The following EPHB1 variants were observed in gnomAD, a reference collection of about 807,000 sequenced individuals.
The protein encoded by EPHB1 is ephrin type-B receptor 1.
A neutral mutation model predicts 94.4 loss-of-function variants in EPHB1; 30 were observed. The ratio of observed to expected loss-of-function variants is 0.32; its 90% CI spans 0.24 to 0.43. The LOEUF (loss-of-function observed/expected upper bound fraction) is 0.43, where lower values mean the gene tolerates loss of function less well. Among genes scored for constraint, EPHB1 ranks in the 20% least tolerant of loss-of-function variants. The probability of loss-of-function intolerance (pLI) is 1.00; values close to 1 mark genes in which losing one functional copy is unlikely to be tolerated. For synonymous variants in EPHB1, 522 were observed against 489.1 expected (o/e 1.07, Z -0.89); for missense variants, 1,055 against 1,308.3 (o/e 0.81, Z 2.99).
chr3:134,849,734 A>G (rs759249968), intron 1 of EPHB1, among the ~76,000 whole-genome samples: 14 of 152,196 alleles, frequency 9.2e-5, no homozygotes, highest in Non-Finnish European at 2.1e-4. Context: ...AGACAGTGGT[A>G]CCAGCCCTCG....
intron 3 of EPHB1, among the ~76,000 whole-genome samples, chr3:135,014,452 C>T (rs781678613): frequency 4.6e-5 from 7 of 152,172 alleles, no homozygotes; most frequent in African/African-American, 2.4e-5. Flanking sequence ...CTAACTGATA[C>T]AAGAGTGGTG....
rs538203454 is a variant in EPHB1, at chr3:134,807,238, C to T, written c.58+11549C>T. Among the ~76,000 whole-genome samples, 6 of 152,270 alleles carry T rather than the reference C, an allele frequency of 3.9e-5. No homozygotes were observed. In the South Asian group the frequency reaches 1.2e-3, roughly 32 times the overall value. ...GCCACCAGTGTCACAAGTACTCACA[C>T]AGAACACATTTATTGAGCATCTACA... On this transcript the variant is annotated intron_variant, in intron 1 of 15. Transcript: ENST00000398015.
chr3:135,030,246 G>C (rs1936384037), intron 3 of EPHB1, among the ~76,000 whole-genome samples: 1 of 152,204 alleles, frequency 6.6e-6, no homozygotes. Flanking sequence ...TCTCCGTCCA[G>C]CTTTGTTCTG....
intron 2 of EPHB1, among the ~76,000 whole-genome samples, chr3:134,943,575 G>T (rs988637414): frequency 6.6e-6 from 1 of 152,144 alleles, no homozygotes; most frequent in Non-Finnish European, 1.5e-5. Flanking sequence ...CCTCCAGGTT[G>T]GAAAATCTAG....
At chr3:135,063,837 A>G (rs1258390625) in intron 3 of EPHB1, among the ~76,000 whole-genome samples, 1 of 152,166 alleles carries the variant, frequency 6.6e-6, no homozygotes, top group Non-Finnish European at 1.5e-5. Context: ...TGTCATACAT[A>G]GATGGCTTTT....
Position 134,951,349 on chromosome 3 carries a change from G to A in EPHB1, c.124-22G>A. On this transcript the variant is annotated intron_variant, in intron 2 of 15. Coordinates refer to ENST00000398015, the MANE Select transcript of EPHB1 (RefSeq NM_004441.5). The surrounding 1 kb of genome is among the most constrained non-coding windows in gnomAD (Gnocchi z 4.5). The stretch of plus-strand genomic sequence containing the variant: ...CTATTTTGTGTTTTTGCATGTGTGT[G>A]CCTGTGGCCTGCTATGTACAGTGGG... 2 of 1,518,778 alleles carry A rather than the reference G, an allele frequency of 1.3e-6. No individual in the cohort carries two copies. The highest frequency in any genetic ancestry group is 1.8e-6 in the Non-Finnish European group (2 of 1,132,792). 94.1% of individuals were successfully genotyped at this position (1,518,778 alleles called of 1,614,324 possible).
chr3:135,054,099 T>C (rs1937279541), intron 3 of EPHB1, among the ~76,000 whole-genome samples: 4 of 151,594 alleles, frequency 2.6e-5, no homozygotes, highest in Non-Finnish European at 5.9e-5. Flanking sequence ...CAAATTTATA[T>C]CATATAATTA....
intron 3 of EPHB1, among the ~76,000 whole-genome samples, chr3:134,962,069 G>A (rs1933540466): frequency 6.6e-6 from 1 of 152,108 alleles, no homozygotes; most frequent in South Asian, 2.1e-4. Context: ...TCCCCAAAAA[G>A]GCATTTTCTA....
At chr3:135,070,756 T>C (rs1576361256) in intron 3 of EPHB1, among the ~76,000 whole-genome samples, 1 of 152,236 alleles carries the variant, frequency 6.6e-6, no homozygotes, top group East Asian at 1.9e-4. Flanking sequence ...TTCTAGGTTT[T>C]AGACATTTTA....
At chr3:135,180,958 A>G (rs1942137376) in intron 10 of EPHB1, among the ~76,000 whole-genome samples, 1 of 152,224 alleles carries the variant, frequency 6.6e-6, no homozygotes, top group Admixed American at 6.5e-5. Flanking sequence ...TGCTTTATTC[A>G]TATCATTATT....
At chr3:135,251,416 G>GT (rs1933092247) in intron 15 of EPHB1, among the ~76,000 whole-genome samples, 1 of 152,178 alleles carries the variant, frequency 6.6e-6, no homozygotes, top group East Asian at 1.9e-4. Flanking sequence ...CCATTGTCAC[G>GT]TAATCCCCCA....
chr3:135,197,550 T>C (rs1942656335), intron 11 of EPHB1, among the ~76,000 whole-genome samples: 1 of 152,260 alleles, frequency 6.6e-6, no homozygotes, highest in Non-Finnish European at 1.5e-5. Context: ...TGATTCATTT[T>C]GTTCAAACAA....
chr3:134,891,179 T>TA (rs2037975417), intron 1 of EPHB1, among the ~76,000 whole-genome samples: 1 of 152,220 alleles, frequency 6.6e-6, no homozygotes, highest in Non-Finnish European at 1.5e-5. Context: ...GATCTTGGCC[T>TA]ACTGCAACTT....
At chr3:135,086,589 C>T (rs912923616) in intron 3 of EPHB1, among the ~76,000 whole-genome samples, 1 of 151,886 alleles carries the variant, frequency 6.6e-6, no homozygotes, top group Non-Finnish European at 1.5e-5. Flanking sequence ...GGGGTGCCTA[C>T]CTTCATTTTG....
At chr3:135,030,044 G>T (rs1268079223) in intron 3 of EPHB1, among the ~76,000 whole-genome samples, 1 of 150,370 alleles carries the variant, frequency 6.7e-6, no homozygotes, top group Non-Finnish European at 1.5e-5. Flanking sequence ...CATTCTTCAC[G>T]TAGTTCTCGA....
At chr3:134,911,478 G>T (rs757453239) in intron 1 of EPHB1, among the ~76,000 whole-genome samples, 1 of 152,136 alleles carries the variant, frequency 6.6e-6, no homozygotes. Flanking sequence ...GTGGAGTCAG[G>T]GTATGATGTG....
chr3:134,943,430 G>T (rs536298019), intron 2 of EPHB1, among the ~76,000 whole-genome samples: 6 of 152,334 alleles, frequency 3.9e-5, no homozygotes, highest in Admixed American at 3.9e-4. Context: ...CAGCCCTAGT[G>T]CACTGGTCAT....
intron 15 of EPHB1, among the ~76,000 whole-genome samples, chr3:135,253,520 C>T (rs1262334279): frequency 2.5e-4 from 38 of 151,806 alleles, no homozygotes; most frequent in East Asian, 5.8e-4. Context: ...ATCAGATAGT[C>T]GTAGATATGC....
intron 10 of EPHB1, among the ~76,000 whole-genome samples, chr3:135,191,779 T>C: frequency 6.6e-6 from 1 of 152,318 alleles, no homozygotes; most frequent in South Asian, 2.1e-4. Context: ...AACTTGCTAT[T>C]CAGCTGCCAA....
Sources: allele counts gnomAD v4.1 joint callset (sites outside exome capture counted in the v4.1 genomes callset), GRCh38; gene constraint gnomAD v4.1.1; non-coding constraint Gnocchi (gnomAD v3.1); transcripts MANE v1.5; gene names NCBI Gene and HGNC (gene_info 2026-07-23, HGNC 2026-07-21).